FAM163A: variants seen among roughly 807,000 people sequenced by gnomAD.
FAM163A encodes the protein family with sequence similarity 163 member A.
A neutral mutation model predicts 12.0 loss-of-function variants in FAM163A; 7 were observed. The ratio of observed to expected loss-of-function variants is 0.58; its 90% CI spans 0.33 to 1.10. The LOEUF is 1.10. Among genes scored for constraint, FAM163A ranks in the 50% least tolerant of loss-of-function variants. The pLI, the probability that FAM163A is intolerant of heterozygous loss-of-function variation, is 0.03. For synonymous variants in FAM163A, 101 were observed against 91.0 expected (o/e 1.11, Z -0.62); for missense variants, 202 against 218.6 (o/e 0.92, Z 0.48).
chr1:179,763,908 C>T (rs1687137606), intron 1 of FAM163A, among the ~76,000 whole-genome samples: 1 of 152,194 alleles, frequency 6.6e-6, no homozygotes, highest in Non-Finnish European at 1.5e-5. Flanking sequence ...AATTCCTCCC[C>T]TTGAATTCCT....
At chr1:179,740,561 TG>T (rs148061559), upstream of FAM163A, among the ~76,000 whole-genome samples, 460 of 152,272 alleles carry the variant, frequency 3.0e-3, 6 homozygotes, top group African/African-American at 0.01. Flanking sequence ...AACAAAATAC[TG>T]ATACAACAAC....
At chr1:179,731,539 A>C in the FAM163A span, among the ~76,000 whole-genome samples, 2 of 152,216 alleles carry the variant, frequency 1.3e-5, no homozygotes, top group Non-Finnish European at 2.9e-5. Flanking sequence ...TGAATCAACA[A>C]GTAAATTTAT....
At chr1:179,735,834 G>A in the FAM163A span, among the ~76,000 whole-genome samples, 9 of 152,128 alleles carry the variant, frequency 5.9e-5, no homozygotes, top group African/African-American at 2.2e-4. Context: ...AGGGTGGATG[G>A]GAAGTGGAGC....
intron 1 of FAM163A, among the ~76,000 whole-genome samples, chr1:179,774,200 C>T (rs1688642799): frequency 6.6e-6 from 1 of 152,210 alleles, no homozygotes; most frequent in Admixed American, 6.5e-5. Flanking sequence ...AGCCAGAACT[C>T]TGCCTGAGGC....
chr1:179,807,273 G>A (rs1281421), intron 1 of FAM163A, among the ~76,000 whole-genome samples: 51,473 of 151,964 alleles, frequency 0.34, 9,020 homozygotes, highest in Middle Eastern at 0.45. Context: ...TGGCTGTCCA[G>A]TCACCATCTT....
intron 1 of FAM163A, among the ~76,000 whole-genome samples, chr1:179,807,056 C>T (rs558176275): frequency 6.6e-6 from 1 of 151,410 alleles, no homozygotes; most frequent in African/African-American, 2.4e-5. Context: ...GGCACTCCAC[C>T]CTGAGTGACA....
At chr1:179,764,399 C>T (rs947938422) in intron 1 of FAM163A, among the ~76,000 whole-genome samples, 41 of 152,172 alleles carry the variant, frequency 2.7e-4, no homozygotes, top group African/African-American at 6.8e-4. Context: ...TTCAAAGTCT[C>T]GTGGATAGAC....
At chr1:179,808,703 C>T (rs1295274717) in intron 2 of FAM163A, among the ~76,000 whole-genome samples, 2 of 152,228 alleles carry the variant, frequency 1.3e-5, no homozygotes, top group Admixed American at 1.3e-4. Flanking sequence ...TTACAGGCCA[C>T]ACCCATACTC....
intron 1 of FAM163A, among the ~76,000 whole-genome samples, chr1:179,780,962 A>G (rs1185240669): frequency 6.6e-6 from 1 of 152,180 alleles, no homozygotes; most frequent in Non-Finnish European, 1.5e-5. Flanking sequence ...AGGAAACTGC[A>G]GTGTTTAAGT....
chr1:179,743,478 C>CGGG (rs1683940919), intron 1 of FAM163A, 55 bp downstream of exon 1: 1 of 152,140 alleles, frequency 6.6e-6, no homozygotes. Flanking sequence ...CGGGGCGGGG[C>CGGG]GCGGGCGGGC....
chr1:179,816,081 T>A lies in FAM163A; in HGVS notation c.*1892T>A, dbSNP rs1695294460. The A allele has an allele frequency of 1.3e-5, 2 of 152,220 alleles. No individual in the cohort carries two copies. The highest frequency in any genetic ancestry group is 2.9e-5 in the Non-Finnish European group (2 of 68,062). The allele number at this position is 152,220 out of a possible 1,614,324, so 9.4% of individuals were successfully genotyped here. A position where few individuals can be genotyped will look rare whatever the true frequency, so the allele number is the denominator to read the frequency against. On this transcript the variant is annotated 3_prime_UTR_variant, in exon 5 of 5. Transcript: ENST00000341785. ...AAAAAGATCTGCCGGCCCAGAGCAC[T>A]CCCTCTTGCCCTAATCCTGGCAGGG...
At chr1:179,761,090 A>C (rs540782369) in intron 1 of FAM163A, among the ~76,000 whole-genome samples, 3 of 149,244 alleles carry the variant, frequency 2.0e-5, no homozygotes, top group Non-Finnish European at 2.9e-5. Context: ...AATGATGTAG[A>C]AACATATTTT....
At chr1:179,750,688 G>A (rs1426588246) in intron 1 of FAM163A, among the ~76,000 whole-genome samples, 1 of 152,158 alleles carries the variant, frequency 6.6e-6, no homozygotes, top group Non-Finnish European at 1.5e-5. Context: ...TAAAGCAAGG[G>A]GTAGTCACTG....
At chr1:179,774,335 G>C (rs889395684) in intron 1 of FAM163A, among the ~76,000 whole-genome samples, 5 of 152,226 alleles carry the variant, frequency 3.3e-5, no homozygotes, top group African/African-American at 1.2e-4. Context: ...AGAGGCTTCT[G>C]GGGTTACAGG....
intron 1 of FAM163A, among the ~76,000 whole-genome samples, chr1:179,746,363 T>C (rs1000419080): frequency 6.6e-6 from 1 of 152,206 alleles, no homozygotes; most frequent in East Asian, 1.9e-4. Flanking sequence ...AAGGGGGACT[T>C]GTTAAGTGTC....
intron 1 of FAM163A, among the ~76,000 whole-genome samples, chr1:179,777,469 G>T (rs1689137095): frequency 6.6e-6 from 1 of 152,166 alleles, no homozygotes. Flanking sequence ...CAGCCTTCGT[G>T]TGCCACCCCC....
chr1:179,741,610 C>T (rs751861650), upstream of FAM163A, among the ~76,000 whole-genome samples: 14 of 152,314 alleles, frequency 9.2e-5, no homozygotes, highest in Non-Finnish European at 1.6e-4. Context: ...AATGAATGAA[C>T]TACAACTACA....
At chr1:179,799,808 A>G (rs1307637271) in intron 1 of FAM163A, among the ~76,000 whole-genome samples, 1 of 152,216 alleles carries the variant, frequency 6.6e-6, no homozygotes, top group Non-Finnish European at 1.5e-5. Context: ...AGAGACTAGC[A>G]TTGTCTGTAT....
chr1:179,772,387 C>T (rs188334300), intron 1 of FAM163A, among the ~76,000 whole-genome samples: 26 of 152,298 alleles, frequency 1.7e-4, no homozygotes, highest in Admixed American at 8.5e-4. Flanking sequence ...CTTTTTCAGT[C>T]TTTATGTCTC....
Sources: allele counts gnomAD v4.1 joint callset (sites outside exome capture counted in the v4.1 genomes callset), GRCh38; gene constraint gnomAD v4.1.1; transcripts MANE v1.5; gene names NCBI Gene and HGNC (gene_info 2026-07-23, HGNC 2026-07-21).